Variants in CLYBL observed in about 807,000 individuals in gnomAD.
CLYBL encodes the protein citramalyl-CoA lyase, also known as citramalyl-CoA lyase, mitochondrial.
Under a neutral mutation model 38.9 loss-of-function variants are expected in CLYBL, and 31 were observed. The ratio of observed to expected loss-of-function variants is 0.80; its 90% CI spans 0.60 to 1.08. The LOEUF (loss-of-function observed/expected upper bound fraction) is 1.08. CLYBL is among the 50% of genes least tolerant of loss of function. The pLI is 0.00. For synonymous variants in CLYBL, 171 were observed against 158.6 expected, an observed-to-expected ratio of 1.08 and a Z score of -0.59; for missense variants, 434 against 411.6, an observed-to-expected ratio of 1.05 and a Z score of -0.47.
intron 1 of CLYBL, among the ~76,000 whole-genome samples, chr13:99,757,751 GC>G (rs2049092847): frequency 6.6e-6 from 1 of 152,166 alleles, no homozygotes; most frequent in Admixed American, 6.5e-5. Flanking sequence ...GAACCACTGC[GC>G]CTGGCCACCT....
chr13:99,751,917 G>T (rs182934553), intron 1 of CLYBL, among the ~76,000 whole-genome samples: 2 of 152,164 alleles, frequency 1.3e-5, no homozygotes, highest in Admixed American at 1.3e-4. Context: ...AGGAAACAAC[G>T]ATCTTAAAAT....
chr13:99,633,042 C>T (rs1038451336), intron 1 of CLYBL, among the ~76,000 whole-genome samples: 3 of 151,754 alleles, frequency 2.0e-5, no homozygotes, highest in Middle Eastern at 3.2e-3. Flanking sequence ...GAATTCATGA[C>T]CAGACTGGCC....
intron 2 of CLYBL, among the ~76,000 whole-genome samples, chr13:99,832,621 T>C (rs1161480044): frequency 1.3e-5 from 2 of 152,128 alleles, no homozygotes; most frequent in African/African-American, 4.8e-5. Context: ...CATAATTCTC[T>C]AGTCCTGAAG....
At chr13:99,798,347 G>T (rs1342429843) in intron 2 of CLYBL, among the ~76,000 whole-genome samples, 3 of 152,126 alleles carry the variant, frequency 2.0e-5, no homozygotes, top group Non-Finnish European at 2.9e-5. Context: ...GTTTGGGCTC[G>T]TTCCCCCTCC....
At chr13:99,743,948 T>C (rs1473361147) in intron 1 of CLYBL, among the ~76,000 whole-genome samples, 2 of 150,474 alleles carry the variant, frequency 1.3e-5, no homozygotes, top group East Asian at 3.9e-4. Context: ...CTCCACTTTC[T>C]TTTTTTTTCT....
rs118086111 is a variant in CLYBL at position 99,633,922 on chromosome 13, G to A, written c.62+27165G>A. Among the ~76,000 whole-genome samples, 469 of 152,242 alleles carry A rather than the reference G, an allele frequency of 3.1e-3. 1 individual carries two copies. Among genetic ancestry groups the A allele is most frequent in the South Asian group, 0.011 (52 of 4,826 alleles). On this transcript the variant is annotated intron_variant, in intron 1 of 8. Transcript: ENST00000339105. ...AGTACCAAGCAGTCTAACATGTATAGTTGGAGTTCCAGAAGCAAAAAAGAG... is the reference window on the plus strand; with the variant it reads ...AGTACCAAGCAGTCTAACATGTATAATTGGAGTTCCAGAAGCAAAAAAGAG...
At chr13:99,859,152 C>A in intron 3 of CLYBL, 103 bp downstream of exon 3, 1 of 814,484 alleles carries the variant, frequency 1.2e-6, no homozygotes, top group Non-Finnish European at 1.9e-6. Context: ...ATGCAGAGAG[C>A]AGAGAGGAAG....
chr13:99,770,655 C>T (rs1050515766), intron 1 of CLYBL, among the ~76,000 whole-genome samples: 5 of 151,846 alleles, frequency 3.3e-5, no homozygotes, highest in Non-Finnish European at 7.4e-5. Flanking sequence ...CCACCCTCCT[C>T]GGCCTCCCAA....
chr13:99,633,329 C>G (rs1307198014), intron 1 of CLYBL, among the ~76,000 whole-genome samples: 2 of 150,888 alleles, frequency 1.3e-5, no homozygotes, highest in African/African-American at 4.9e-5. Context: ...CACTTGAGGT[C>G]AGGAGTTTGA....
Position 99,790,051 on chromosome 13 carries a change from T to C in CLYBL, c.249+17041T>C, listed in dbSNP as rs866280180. Among the ~76,000 whole-genome samples, 8 of 152,280 alleles carry C rather than the reference T, an allele frequency of 5.3e-5. No homozygotes were observed. The South Asian group carries it at 8.3e-4, about 16-fold the overall frequency. On this transcript the variant is annotated intron_variant, in intron 2 of 8. Coordinates refer to ENST00000339105, the MANE Select transcript of CLYBL (RefSeq NM_206808.5). Reference sequence around the variant, plus strand: ...CTTTTTTTGTTTTCCATTTGCTTGGTAGATCTTCCTCCATCCCTTTATTTT... The same window carrying C: ...CTTTTTTTGTTTTCCATTTGCTTGGCAGATCTTCCTCCATCCCTTTATTTT...
At chr13:99,887,398 G>T (rs765710185) in intron 7 of CLYBL, among the ~76,000 whole-genome samples, 12 of 152,192 alleles carry the variant, frequency 7.9e-5, no homozygotes, top group Non-Finnish European at 1.3e-4. Context: ...GTTGCACATG[G>T]TTCTTAAGCT....
In CLYBL at chr13:99,681,105, AC is replaced by A. The variant is rs1263165105; in HGVS notation, c.62+74349del. 1.6e-4 allele frequency among the ~76,000 whole-genome samples: 24 copies of A among 152,368 alleles called. No individual in the cohort carries two copies. The East Asian group carries it at 2.9e-3, about 18-fold the overall frequency. ...TAAGAAGGAAGTAGTGCTGTAACTT[AC>A]TTCATCTAAAGAAGCATCATCGCTG... On this transcript the variant is annotated intron_variant, in intron 1 of 8. Transcript: ENST00000339105.
intron 1 of CLYBL, among the ~76,000 whole-genome samples, chr13:99,711,291 A>C (rs2048226770): frequency 6.6e-6 from 1 of 152,122 alleles, no homozygotes; most frequent in South Asian, 2.1e-4. Context: ...GTCCAAGATC[A>C]GGCAGTGGCA....
chr13:99,799,623 A>G (rs780057434), intron 2 of CLYBL, among the ~76,000 whole-genome samples: 3 of 152,194 alleles, frequency 2.0e-5, no homozygotes, highest in African/African-American at 4.8e-5. Context: ...ATCTGGAGCA[A>G]GTCATCATGT....
intron 1 of CLYBL, among the ~76,000 whole-genome samples, chr13:99,656,571 C>A (rs2047334046): frequency 6.6e-6 from 1 of 152,276 alleles, no homozygotes; most frequent in South Asian, 2.1e-4. Context: ...TTACTGTTCT[C>A]CTAAGCCAAT....
At chr13:99,788,767 G>A (rs1252673537) in intron 2 of CLYBL, among the ~76,000 whole-genome samples, 1 of 152,182 alleles carries the variant, frequency 6.6e-6, no homozygotes, top group Non-Finnish European at 1.5e-5. Context: ...AATAGCTTCA[G>A]AAGGAATGGT....
chr13:99,844,824 G>A (rs948704391), intron 2 of CLYBL, among the ~76,000 whole-genome samples: 1 of 152,176 alleles, frequency 6.6e-6, no homozygotes, highest in Non-Finnish European at 1.5e-5. Flanking sequence ...CACCTAGCGC[G>A]TGGGCATTCA....
At chr13:99,652,555 AAAAGCAGATATC>A (rs1308807764) in intron 1 of CLYBL, among the ~76,000 whole-genome samples, 1 of 152,204 alleles carries the variant, frequency 6.6e-6, no homozygotes, top group Non-Finnish European at 1.5e-5. Flanking sequence ...TAAAAAAATA[AAAAGCAGATATC>A]CTGGGAAGGG....
chr13:99,636,534 A>ACCT (rs2047020417), intron 1 of CLYBL, among the ~76,000 whole-genome samples: 1 of 152,032 alleles, frequency 6.6e-6, no homozygotes, highest in African/African-American at 2.4e-5. Context: ...GCTCCCTGGC[A>ACCT]GCTGGGACAC....
Sources: gnomAD v4.1 joint callset for allele counts (sites outside exome capture counted in the v4.1 genomes callset) on GRCh38, gnomAD v4.1.1 for gene constraint, MANE v1.5 for transcripts, NCBI Gene and HGNC (gene_info 2026-07-23, HGNC 2026-07-21) for gene names.